Variants in MAML1 observed in about 807,000 individuals in gnomAD.
MAML1 encodes the protein mastermind like transcriptional coactivator 1, also known as mastermind-like protein 1.
Under a neutral mutation model 77.1 loss-of-function variants are expected in MAML1, and 14 were observed. The ratio of observed to expected loss-of-function variants is 0.18; its 90% CI spans 0.12 to 0.28. The LOEUF (loss-of-function observed/expected upper bound fraction) is 0.28, where lower values mean the gene tolerates loss of function less well. Among genes scored for constraint, MAML1 ranks in the 10% least tolerant of loss-of-function variants. The pLI is 1.00. For synonymous variants in MAML1, 516 were observed against 551.9 expected (o/e 0.93, Z 0.91); for missense variants, 1,217 against 1,327.8 (o/e 0.92, Z 1.30).
Position 179,776,567 on chromosome 5 carries a change from A to G in MAML1, c.*1690A>G. ...CAAAGAAGGGGTGAATCATAAAGCC[A>G]GTGAAAATTTCACCCTCTGAGGGAG... On this transcript the variant is annotated 3_prime_UTR_variant, in exon 5 of 5. Transcript: ENST00000292599. The G allele has an allele frequency of 1.0e-6, 1 of 985,652 alleles. No homozygotes were observed. Among genetic ancestry groups the G allele is most frequent in the Non-Finnish European group, 1.2e-6 (1 of 829,940 alleles). The allele number at this position is 985,652 out of a possible 1,614,324, so 61.1% of individuals were successfully genotyped here. A position where few individuals can be genotyped will look rare whatever the true frequency, so the allele number is the denominator to read the frequency against.
chr5:179,746,729 A>G (rs1306729443), intron 1 of MAML1, among the ~76,000 whole-genome samples: 1 of 152,240 alleles, frequency 6.6e-6, no homozygotes, highest in Non-Finnish European at 1.5e-5. Flanking sequence ...TCACAGTTAC[A>G]TATAATCAAA....
At chr5:179,764,555 G>GCACATGCCTGTAATCCC (rs758655181) in intron 1 of MAML1, among the ~76,000 whole-genome samples, 15 of 152,066 alleles carry the variant, frequency 9.9e-5, no homozygotes, top group Admixed American at 3.9e-4. Context: ...AGCTACTCTG[G>GCACATGCCTGTAATCCC]AGGCTGAGGC....
At chr5:179,745,229 T>C (rs1779356340) in intron 1 of MAML1, among the ~76,000 whole-genome samples, 1 of 151,996 alleles carries the variant, frequency 6.6e-6, no homozygotes, top group South Asian at 2.1e-4. Context: ...TATAAGTAAT[T>C]ATTATGTAAA....
intron 1 of MAML1, among the ~76,000 whole-genome samples, chr5:179,748,213 G>A (rs1779418837): frequency 6.6e-6 from 1 of 152,110 alleles, no homozygotes. Context: ...CTCCTGAGTA[G>A]CTGGGACTAC....
intron 4 of MAML1, among the ~76,000 whole-genome samples, chr5:179,772,331 C>A (rs768018944): frequency 7.9e-5 from 12 of 152,168 alleles, no homozygotes; most frequent in Non-Finnish European, 1.2e-4. Context: ...GTTAGCCAGG[C>A]TGATCTCACA....
rs1755988761 is a variant in MAML1 at position 179,771,427 on chromosome 5, G to T, written c.2068+184G>T. On this transcript the variant is annotated intron_variant, in intron 4 of 4. Transcript: ENST00000292599. This position sits in a 1 kb window ranked among gnomAD's most constrained non-coding sequence, Gnocchi z 4.7. The stretch of plus-strand genomic sequence containing the variant: ...TACTCCACGGCATCAGGAGAAGAGG[G>T]CACAGAGGCAAACCACTAGAACTAC... Among the ~76,000 whole-genome samples the T allele has an allele frequency of 6.6e-6, 1 of 152,194 alleles. No homozygotes were observed. Among genetic ancestry groups the T allele is most frequent in the Non-Finnish European group, 1.5e-5 (1 of 68,024 alleles).
chr5:179,768,804 C>T (rs370976895), intron 2 of MAML1, 46 bp from the exon 3 acceptor site: 4 of 1,601,956 alleles, frequency 2.5e-6, no homozygotes, highest in African/African-American at 2.7e-5. Flanking sequence ...CTTATTTGGT[C>T]TGATCAGAGC....
chr5:179,750,546 T>G (rs982689055), intron 1 of MAML1, among the ~76,000 whole-genome samples: 14 of 152,102 alleles, frequency 9.2e-5, no homozygotes, highest in Non-Finnish European at 1.3e-4. Flanking sequence ...CTGCAACTTC[T>G]GCTTCCCGGG....
chr5:179,765,708 G>T lies in MAML1; in HGVS notation c.698G>T (p.Gly233Val). The T allele has an allele frequency of 6.2e-7, 1 of 1,614,000 alleles. No homozygotes were observed. Among genetic ancestry groups the T allele is most frequent in the South Asian group, 1.1e-5 (1 of 91,060 alleles). The change falls in exon 2 of 5, where the codon GGC (glycine) becomes GTC (valine). Residue 233 changes from glycine (G) to valine (V), a missense_variant. By Grantham distance (109) the Gly-to-Val change is moderately radical (BLOSUM62 -3). Around this residue, in one of 3 missense-constraint regions of MAML1, gnomAD observed 312 missense variants for 331.4 expected, o/e 0.94. Transcript: ENST00000292599. ...CCTTGCATGATCACTGGGACTGTCG[G>T]CTCCATATCGCAAAGCAACCTCATG... is the stretch of plus-strand genomic sequence containing the variant. ...DLPCMITGTV[G>V]SISQSNLMPD...
intron 1 of MAML1, among the ~76,000 whole-genome samples, chr5:179,744,395 C>T (rs1302994178): frequency 6.6e-6 from 1 of 152,078 alleles, no homozygotes; most frequent in East Asian, 1.9e-4. Flanking sequence ...CAATGTTGGC[C>T]AGGCTGGTCT....
In MAML1 at chr5:179,771,130, T is replaced by C; in HGVS notation, c.1972-17T>C. 1 of 1,606,866 alleles carries C rather than the reference T, an allele frequency of 6.2e-7. No individual in the cohort carries two copies. Among genetic ancestry groups the C allele is most frequent in the South Asian group, 1.1e-5 (1 of 90,966 alleles). On this transcript the variant is annotated splice_polypyrimidine_tract_variant and intron_variant, in intron 3 of 4. Transcript: ENST00000292599. The surrounding 1 kb of genome is among the most constrained non-coding windows in gnomAD (Gnocchi z 4.7). ...GTTATATGTTGGTTTTGTTTTGTTG[T>C]TCTTGGCATTTTCTAGGAGAAGCAA...
rs1360310785 is a variant in MAML1, at chr5:179,771,244, G to C, written c.2068+1G>C. 1 of 1,613,912 alleles carries C rather than the reference G, an allele frequency of 6.2e-7. No homozygotes were observed. Among genetic ancestry groups the C allele is most frequent in the Non-Finnish European group, 8.5e-7 (1 of 1,179,800 alleles). On this transcript the variant is annotated splice_donor_variant, in intron 4 of 4. Transcript: ENST00000292599. LOFTEE classifies it high-confidence loss of function. This position sits in a 1 kb window ranked among gnomAD's most constrained non-coding sequence, Gnocchi z 4.7. ...CCACAGCAGGTTGGACAGTTCACAG[G>C]TAGGGGGTGTCTGTGTGACGAGCAG...
intron 1 of MAML1, among the ~76,000 whole-genome samples, chr5:179,749,818 C>T (rs948098104): frequency 1.3e-5 from 2 of 152,154 alleles, no homozygotes; most frequent in African/African-American, 4.8e-5. Context: ...GAAGGCAGGC[C>T]ATGGTGAGCT....
intron 4 of MAML1, among the ~76,000 whole-genome samples, chr5:179,773,513 G>A (rs1412656055): frequency 7.2e-6 from 1 of 138,132 alleles, no homozygotes; most frequent in African/African-American, 2.9e-5. Context: ...GCGCCCCATC[G>A]CGCCCCATTG....
At chr5:179,757,285 G>A (rs921776937) in intron 1 of MAML1, among the ~76,000 whole-genome samples, 2 of 152,050 alleles carry the variant, frequency 1.3e-5, no homozygotes, top group African/African-American at 4.8e-5. Context: ...ATAGCAATGT[G>A]GGTCAAGTGA....
At position 179,777,166 on chromosome 5, in the gene MAML1, A is replaced by G. The variant is rs1756152090; in HGVS notation, c.*2289A>G. The G allele has an allele frequency of 1.0e-6, 1 of 984,244 alleles. No homozygotes were observed. The highest frequency in any genetic ancestry group is 4.7e-5 in the South Asian group (1 of 21,266). The allele number at this position is 984,244 out of a possible 1,614,324, so 61.0% of individuals were successfully genotyped here. ...TTTTTATTGTCATCAAAAGTTCATA[A>G]AAGTCCTATTAATCCCCATATTCTT... is the stretch of plus-strand genomic sequence containing the variant. On this transcript the variant is annotated 3_prime_UTR_variant, in exon 5 of 5. Transcript: ENST00000292599.
At chr5:179,772,014 A>G (rs1581948663) in intron 4 of MAML1, among the ~76,000 whole-genome samples, 1 of 152,222 alleles carries the variant, frequency 6.6e-6, no homozygotes, top group Non-Finnish European at 1.5e-5. Flanking sequence ...TTTCAGAAGC[A>G]TGGGTCTGAC....
intron 1 of MAML1, among the ~76,000 whole-genome samples, chr5:179,751,708 AAAAG>A (rs1779492834): frequency 6.6e-6 from 1 of 151,760 alleles, no homozygotes; most frequent in African/African-American, 2.4e-5. Context: ...CCATCTCAAA[AAAAG>A]AAAAAAATAC....
At chr5:179,768,703 C>A in intron 2 of MAML1, 147 bp from the exon 3 acceptor site, 2 of 1,019,856 alleles carry the variant, frequency 2.0e-6, no homozygotes, top group Non-Finnish European at 2.9e-6. Context: ...TTGGTCTGTG[C>A]TCCAGCCCTG....
Sources: allele counts gnomAD v4.1 joint callset (sites outside exome capture counted in the v4.1 genomes callset), GRCh38; gene constraint gnomAD v4.1.1; regional missense constraint gnomAD v4.1.1; non-coding constraint Gnocchi (gnomAD v3.1); transcripts MANE v1.5; gene names NCBI Gene and HGNC (gene_info 2026-07-23, HGNC 2026-07-21).